FAM120B: variants seen among roughly 807,000 people sequenced by gnomAD.
The protein encoded by FAM120B is family with sequence similarity 120 member B.
A neutral mutation model predicts 96.3 loss-of-function variants in FAM120B; 83 were observed. That is an observed-to-expected ratio of 0.86 (90% CI 0.72 to 1.03). The LOEUF is 1.03. Ranked by LOEUF, FAM120B falls within the 50% of genes least tolerant of loss-of-function variation. The probability of loss-of-function intolerance (pLI) is 0.00; values close to 1 mark genes in which losing one functional copy is unlikely to be tolerated. For missense variants in FAM120B, 1,027 were observed against 1,121.2 expected (o/e 0.92, Z 1.20); for synonymous variants, 407 against 402.7 (o/e 1.01, Z -0.13).
At chr6:170,330,756 C>T (rs1396871548) in intron 4 of FAM120B, 1 of 564,372 alleles carries the variant, frequency 1.8e-6, no homozygotes, top group Non-Finnish European at 3.2e-6. Flanking sequence ...TACCCTGGAC[C>T]ATCTGCGGCG....
At chr6:170,389,895 C>T (rs1298981647) in intron 7 of FAM120B, among the ~76,000 whole-genome samples, 1 of 152,054 alleles carries the variant, frequency 6.6e-6, no homozygotes, top group East Asian at 1.9e-4. Flanking sequence ...ACTAATACTC[C>T]CTGCAAAAGT....
At chr6:170,294,781 A>G (rs1219399854), upstream of FAM120B, among the ~76,000 whole-genome samples, 1 of 152,214 alleles carries the variant, frequency 6.6e-6, no homozygotes, top group Admixed American at 6.5e-5. The surrounding 1 kb of genome is among the most constrained non-coding windows in gnomAD (Gnocchi z 7.9). Context: ...GGCCAGCCAC[A>G]GGTTCAGTTT....
intron 5 of FAM120B, among the ~76,000 whole-genome samples, chr6:170,349,130 TTCTC>T (rs1787412673): frequency 6.6e-6 from 1 of 152,220 alleles, no homozygotes; most frequent in Non-Finnish European, 1.5e-5. Context: ...CAGCCCCTCT[TTCTC>T]TGCTTTGCTC....
intron 6 of FAM120B, among the ~76,000 whole-genome samples, chr6:170,359,804 C>T (rs9366214): frequency 0.1 from 15,657 of 152,236 alleles, 1,026 homozygotes; most frequent in East Asian, 0.2. Context: ...AACTAATGAA[C>T]AATGCCAGAT....
intron 4 of FAM120B, among the ~76,000 whole-genome samples, chr6:170,341,727 G>A (rs1406198036): frequency 6.6e-6 from 1 of 152,122 alleles, no homozygotes; most frequent in Non-Finnish European, 1.5e-5. Context: ...CCCTTGGCTG[G>A]GGGAGAGCAG....
intron 6 of FAM120B, among the ~76,000 whole-genome samples, chr6:170,385,854 A>G (rs1243014319): frequency 2.0e-5 from 3 of 152,256 alleles, no homozygotes; most frequent in African/African-American, 7.2e-5. Context: ...AATGCATGTT[A>G]CTAAGTGACA....
chr6:170,360,414 G>A (rs956234992), intron 6 of FAM120B, among the ~76,000 whole-genome samples: 1 of 152,194 alleles, frequency 6.6e-6, no homozygotes, highest in Non-Finnish European at 1.5e-5. Context: ...AATTGGCAAG[G>A]CTAAAGTAGA....
At chr6:170,296,612 C>T (rs1363821747) in intron 1 of FAM120B, among the ~76,000 whole-genome samples, 1 of 151,806 alleles carries the variant, frequency 6.6e-6, no homozygotes, top group East Asian at 1.9e-4. Context: ...CGGCGCACAC[C>T]TCGGAGCCCT....
chr6:170,366,473 G>GGCA (rs1788804790), intron 6 of FAM120B, among the ~76,000 whole-genome samples: 1 of 152,214 alleles, frequency 6.6e-6, no homozygotes, highest in Non-Finnish European at 1.5e-5. Context: ...TGCTCTGAGG[G>GGCA]GCAGGTGCCA....
rs116114827 is a variant in FAM120B, at chr6:170,324,476, C to T, written c.1915+1217C>T. Among the ~76,000 whole-genome samples the T allele has an allele frequency of 5.0e-3, 756 of 152,264 alleles. 10 individuals carry two copies. The highest frequency in any genetic ancestry group is 0.017 in the African/African-American group (713 of 41,554). ...TTCTGTTTCTTATGTGCTCTCTACC[C>T]GCATTCTTTCTTAACATGGATGTTT... On this transcript the variant is annotated intron_variant, in intron 3 of 10. Coordinates refer to ENST00000476287, the MANE Select transcript of FAM120B (RefSeq NM_032448.3).
intron 6 of FAM120B, among the ~76,000 whole-genome samples, chr6:170,381,533 T>C (rs1231082017): frequency 6.6e-6 from 1 of 151,868 alleles, no homozygotes; most frequent in African/African-American, 2.4e-5. Flanking sequence ...GAGGCCAGTA[T>C]TACCCTGACA....
chr6:170,389,850 C>T (rs563993411), intron 7 of FAM120B, among the ~76,000 whole-genome samples: 1 of 152,108 alleles, frequency 6.6e-6, no homozygotes, highest in Non-Finnish European at 1.5e-5. Context: ...TGTGAGCCAC[C>T]GCGACCAGCC....
At position 170,366,502 on chromosome 6, in the gene FAM120B, C is replaced by T. The variant is rs576385808; in HGVS notation, c.2283+8184C>T. Among the ~76,000 whole-genome samples the T allele has an allele frequency of 1.8e-4, 27 of 152,290 alleles. 1 individual carries two copies. In the East Asian group the frequency reaches 3.9e-3, roughly 22 times the overall value. ...GGTGCCAGGGCATGAGGGAGAGTGG[C>T]GTGTGAGCGCACCTGAGTGGGGTTC... On this transcript the variant is annotated intron_variant, in intron 6 of 10. Transcript: ENST00000476287.
At chr6:170,301,262 G>T (rs1036878270) in intron 1 of FAM120B, among the ~76,000 whole-genome samples, 1 of 152,246 alleles carries the variant, frequency 6.6e-6, no homozygotes, top group African/African-American at 2.4e-5. Flanking sequence ...CTTGGCACTT[G>T]CACCCTCTGA....
intron 4 of FAM120B, among the ~76,000 whole-genome samples, chr6:170,337,408 T>G (rs1446641882): frequency 6.6e-6 from 1 of 152,220 alleles, no homozygotes; most frequent in African/African-American, 2.4e-5. Flanking sequence ...ATAAATTTTT[T>G]GATGTGCTGC....
rs1312002701 is a variant in FAM120B at position 170,391,081 on chromosome 6, A to G, written c.2559A>G (p.Arg853=). Reference sequence around the variant, plus strand: ...GCAAGGCCTGCATGAAGGAGAACAGACGCATCACTGGCCGAGCCCACTGGG... The same window carrying G: ...GCAAGGCCTGCATGAAGGAGAACAGGCGCATCACTGGCCGAGCCCACTGGG... The part of the protein sequence containing the change: ...VVCKACMKEN[R]RITGRAHWGS... The change falls in exon 8 of 11, where the codon AGA becomes AGG. Residue 853 remains arginine (R), a synonymous_variant. Coordinates refer to ENST00000476287, the MANE Select transcript of FAM120B (RefSeq NM_032448.3). The G allele has an allele frequency of 6.2e-7, 1 of 1,614,074 alleles. No individual in the cohort carries two copies. The highest frequency in any genetic ancestry group is 8.5e-7 in the Non-Finnish European group (1 of 1,180,032).
upstream of FAM120B, among the ~76,000 whole-genome samples, chr6:170,305,928 A>G (rs1784264471): frequency 6.6e-6 from 1 of 152,102 alleles, no homozygotes. Flanking sequence ...CAAACTCCTG[A>G]ATATGACGAC....
At chr6:170,400,993 C>T (rs1449974255) in intron 9 of FAM120B, among the ~76,000 whole-genome samples, 1 of 152,218 alleles carries the variant, frequency 6.6e-6, no homozygotes, top group African/African-American at 2.4e-5. Context: ...GAACCCCCTT[C>T]CTTGGATTGA....
chr6:170,304,967 G>T (rs1395555909), upstream of FAM120B, among the ~76,000 whole-genome samples: 1 of 152,074 alleles, frequency 6.6e-6, no homozygotes, highest in Non-Finnish European at 1.5e-5. Flanking sequence ...GCATGGTTAG[G>T]TTCTGGTGAG....
Sources: allele counts gnomAD v4.1 joint callset (sites outside exome capture counted in the v4.1 genomes callset), GRCh38; gene constraint gnomAD v4.1.1; non-coding constraint Gnocchi (gnomAD v3.1); transcripts MANE v1.5; gene names NCBI Gene and HGNC (gene_info 2026-07-23, HGNC 2026-07-21).